Variants in ACAP1 observed in about 807,000 individuals in gnomAD.
ACAP1 encodes the protein ArfGAP with coiled-coil, ankyrin repeat and PH domains 1.
A neutral mutation model predicts 98.8 loss-of-function variants in ACAP1; 45 were observed. That is an observed-to-expected ratio of 0.46 (90% CI 0.36 to 0.58). The LOEUF (loss-of-function observed/expected upper bound fraction) is 0.58, where lower values mean the gene tolerates loss of function less well. Among genes scored for constraint, ACAP1 ranks in the 20% least tolerant of loss-of-function variants. ACAP1 has a pLI of 0.00. For synonymous variants in ACAP1, 362 were observed against 375.3 expected (o/e 0.96, Z 0.41); for missense variants, 735 against 971.4 (o/e 0.76, Z 3.24).
chr17:7,350,772 GGCTAATTTTTT>G lies in ACAP1; in HGVS notation c.2073-176_2073-166del. ...ACTACAGGCGTGCGCCACCACCCCC[GGCTAATTTTTT>G]GTATTTTTAGTAGAGACGGGGTTTC... On this transcript the variant is annotated intron_variant, in intron 20 of 21. Coordinates refer to ENST00000158762, the MANE Select transcript of ACAP1 (RefSeq NM_014716.4). This position sits in a 1 kb window ranked among gnomAD's most constrained non-coding sequence, Gnocchi z 4.6. 1.7e-6 allele frequency: 1 copy of G among 577,904 alleles called. No homozygotes were observed. The highest frequency in any genetic ancestry group is 3.2e-5 in the East Asian group (1 of 31,480). The allele number at this position is 577,904 out of a possible 1,614,324, so 35.8% of individuals were successfully genotyped here.
At chr17:7,345,985 A>G (rs1193999224) in intron 10 of ACAP1, 1 of 459,474 alleles carries the variant, frequency 2.2e-6, no homozygotes, top group Non-Finnish European at 4.0e-6. Context: ...TAGACATTTT[A>G]TTAGAAAAAG....
intron 2 of ACAP1, among the ~76,000 whole-genome samples, chr17:7,340,860 A>G (rs1156343192): frequency 6.6e-6 from 1 of 152,134 alleles, no homozygotes; most frequent in Non-Finnish European, 1.5e-5. Flanking sequence ...ATAGAAAAAT[A>G]AAAAGAGATG....
intron 18 of ACAP1, chr17:7,349,516 C>G (rs913123120): frequency 3.8e-6 from 1 of 263,130 alleles, no homozygotes; most frequent in African/African-American, 2.2e-5. Flanking sequence ...GCTGGGACTA[C>G]AGGCGCCAGC....
chr17:7,348,943 C>A (rs2073375309), intron 17 of ACAP1, 52 bp from the exon 18 acceptor site: 2 of 1,557,352 alleles, frequency 1.3e-6, no homozygotes. Flanking sequence ...TGAGGGTTTT[C>A]TTCCCAGACT....
In ACAP1 at chr17:7,350,054, G is replaced by T. The variant is rs2073387875; in HGVS notation, c.1961G>T (p.Gly654Val). ...CACGCAACCATTCTTGGCCACACGG[G>T]GTAGGGATGATGGCATGGGGAGGAA... Reference protein sequence around the residue: ...LHHATILGHTGLACLFLKRGA... With the variant: ...LHHATILGHTVLACLFLKRGA... Residue 654 changes from glycine to valine, a missense_variant and splice_region_variant, in exon 19 of 22, where the codon GGG (glycine) becomes GTG (valine). By Grantham distance (109) the Gly-to-Val change is moderately radical. This residue lies in a region of ACAP1 where 142 missense variants were observed against 224.1 expected (regional missense o/e 0.63). Coordinates refer to ENST00000158762, the MANE Select transcript of ACAP1 (RefSeq NM_014716.4). This position sits in a 1 kb window ranked among gnomAD's most constrained non-coding sequence, Gnocchi z 4.6. 6.2e-7 allele frequency: 1 copy of T among 1,613,552 alleles called. No individual in the cohort carries two copies. The highest frequency in any genetic ancestry group is 8.5e-7 in the Non-Finnish European group (1 of 1,179,512).
chr17:7,347,065 C>T lies in ACAP1; in HGVS notation c.1166C>T (p.Thr389Ile). The T allele has an allele frequency of 6.2e-7, 1 of 1,608,890 alleles. No individual in the cohort carries two copies. The highest frequency in any genetic ancestry group is 8.5e-7 in the Non-Finnish European group (1 of 1,176,900). The change falls in exon 14 of 22, where the codon ACC becomes ATC. Residue 389 changes from threonine (T) to isoleucine (I), a missense_variant. This residue lies in a region of ACAP1 where 430 missense variants were observed against 531.8 expected (regional missense o/e 0.81). Transcript: ENST00000158762. ...CACCTGGCCATAGGCTCTGCTGCCA[C>T]CCTGGGCTCTGGTGGAATGGCCAGG... Reference protein sequence around the residue: ...SGHLAIGSAATLGSGGMARGR... With the variant: ...SGHLAIGSAAILGSGGMARGR...
intron 5 of ACAP1, chr17:7,342,887 AAC>A: frequency 5.0e-6 from 1 of 200,870 alleles, no homozygotes; most frequent in Non-Finnish European, 1.0e-5. Context: ...CAGCCTGGGC[AAC>A]AGAGTGAGAC....
intron 10 of ACAP1, chr17:7,345,301 CTTTT>C (rs1036316005): frequency 6.6e-6 from 1 of 151,648 alleles, no homozygotes; most frequent in African/African-American, 2.4e-5. Flanking sequence ...CCAAGATACT[CTTTT>C]TTCTTTTTCT....
At chr17:7,348,046 A>G in intron 15 of ACAP1, 55 bp downstream of exon 15, 3 of 1,611,300 alleles carry the variant, frequency 1.9e-6, no homozygotes, top group African/African-American at 1.3e-5. Context: ...GGGCAAGGAC[A>G]TGGCGGTGCA....
rs1400455171 is a variant in ACAP1, at chr17:7,343,808, A to T, written c.574-53A>T. ...GAAGAGCCTGCTGCCAGCACAAGGG[A>T]ATGGGGAGAGGGGTTCTTCCTCAGC... On this transcript the variant is annotated intron_variant, in intron 7 of 21. Transcript: ENST00000158762. This position sits in a 1 kb window ranked among gnomAD's most constrained non-coding sequence, Gnocchi z 4.9. 12 of 1,612,798 alleles carry T rather than the reference A, an allele frequency of 7.4e-6. No homozygotes were observed. The highest frequency in any genetic ancestry group is 1.0e-5 in the Non-Finnish European group (12 of 1,179,514).
intron 1 of ACAP1, among the ~76,000 whole-genome samples, chr17:7,337,004 C>T (rs969835780): frequency 6.6e-6 from 1 of 152,032 alleles, no homozygotes; most frequent in Non-Finnish European, 1.5e-5. Context: ...TTCCCTCACC[C>T]CTAGAGCTGG....
rs539151581 is a variant in ACAP1, at chr17:7,344,740, C to T, written c.854+92C>T. 43 of 867,726 alleles carry T rather than the reference C, an allele frequency of 5.0e-5. No homozygotes were observed. Among genetic ancestry groups the T allele is most frequent in the South Asian group, 1.1e-4 (7 of 63,602 alleles). 53.8% of individuals were successfully genotyped at this position (867,726 alleles called of 1,614,324 possible). ...ACTAAGCACTGCAAGGAAAAACAGA[C>T]GAACCCCCCTGCCTCAGTAGAGTTT... is the stretch of plus-strand genomic sequence containing the variant. On this transcript the variant is annotated intron_variant, in intron 10 of 21. Coordinates refer to ENST00000158762, the MANE Select transcript of ACAP1 (RefSeq NM_014716.4). This position sits in a 1 kb window ranked among gnomAD's most constrained non-coding sequence, Gnocchi z 4.9.
In ACAP1 at chr17:7,349,997, A is replaced by G; in HGVS notation, c.1904A>G (p.Gln635Arg). The change falls in exon 19 of 22, where the codon CAA becomes CGA. Residue 635 changes from glutamine (Q) to arginine (R), a missense_variant. Transcript: ENST00000158762. ...FLLQNGANVNQADSAGRGPLH... is the reference protein window; with the variant it reads ...FLLQNGANVNRADSAGRGPLH... Reference sequence around the variant, plus strand: ...CTCCAGAACGGGGCGAACGTGAACCAAGCGGACAGTGCGGGCCGGGGCCCG... The same window carrying G: ...CTCCAGAACGGGGCGAACGTGAACCGAGCGGACAGTGCGGGCCGGGGCCCG... 1.2e-6 allele frequency: 2 copies of G among 1,613,570 alleles called. No homozygotes were observed. The highest frequency in any genetic ancestry group is 1.7e-6 in the Non-Finnish European group (2 of 1,179,552).
intron 10 of ACAP1, 129 bp from the exon 11 acceptor site, chr17:7,346,115 A>C: frequency 1.2e-6 from 1 of 827,732 alleles, no homozygotes; most frequent in Non-Finnish European, 2.1e-6. Flanking sequence ...CTTCTCTGGA[A>C]TGTCTCGTGG....
Position 7,348,301 on chromosome 17 carries a change from C to A in ACAP1, c.1509-5C>A. 1 of 1,590,390 alleles carries A rather than the reference C, an allele frequency of 6.3e-7. No individual in the cohort carries two copies. Among genetic ancestry groups the A allele is most frequent in the Non-Finnish European group, 8.6e-7 (1 of 1,166,842 alleles). On this transcript the variant is annotated splice_polypyrimidine_tract_variant and splice_region_variant and intron_variant, in intron 16 of 21. Transcript: ENST00000158762. ...GGAAGACTGCGTGCTTCTCCCCTCC[C>A]ACAGGCAGGAGAAGGAGGCCTGGAT...
At position 7,346,274 on chromosome 17, in the gene ACAP1, G is replaced by C. The variant is rs988640794; in HGVS notation, c.885G>C (p.Leu295=). ...RRWFTIQSNQ[L]VYQKKYKDPV... ...GGTTCACCATTCAGAGCAACCAACT[G>C]GTTTACCAGAAGAAGTACAAGGTGA... Residue 295 remains leucine (L), a synonymous_variant, in exon 11 of 22, where the codon CTG becomes CTC. Transcript: ENST00000158762. 19 of 1,614,174 alleles carry C rather than the reference G, an allele frequency of 1.2e-5. No individual in the cohort carries two copies. The highest frequency in any genetic ancestry group is 1.3e-5 in the Non-Finnish European group (15 of 1,180,024).
chr17:7,341,933 C>T lies in ACAP1; in HGVS notation c.112-15C>T, dbSNP rs142932803. 3.0e-4 allele frequency: 480 copies of T among 1,613,978 alleles called. 2 individuals carry two copies. In the African/African-American group the frequency reaches 5.5e-3, roughly 19 times the overall value. The stretch of plus-strand genomic sequence containing the variant: ...GATGATGGCACAGCTCCCTGTTACC[C>T]TCCTTCTTTCCCAGCTCCTGAAACT... On this transcript the variant is annotated splice_polypyrimidine_tract_variant and intron_variant, in intron 2 of 21. Transcript: ENST00000158762.
rs113321380 is a variant in ACAP1 at position 7,345,319 on chromosome 17, C to CT, written c.854+682dup. ...AGATACTCTTTTTTCTTTTTCTTTT[C>CT]TTTTTTTTTTTCTGTTTTTTTTGAG... is the stretch of plus-strand genomic sequence containing the variant. On this transcript the variant is annotated intron_variant, in intron 10 of 21. Transcript: ENST00000158762. 2.7e-3 allele frequency: 394 copies of CT among 147,156 alleles called. 3 individuals are homozygous for CT. Among genetic ancestry groups the CT allele is most frequent in the African/African-American group, 7.1e-3 (286 of 40,182 alleles). The allele number at this position is 147,156 out of a possible 1,614,324, so 9.1% of individuals were successfully genotyped here.
Position 7,347,248 on chromosome 17 carries a change from T to C in ACAP1, c.1343+6T>C, listed in dbSNP as rs757330427. ...CAGTGTTCCGGCATCCACAGGTTACTCCACAAGGCCCATGCGGGAGCCCCA... is the reference window on the plus strand; with the variant it reads ...CAGTGTTCCGGCATCCACAGGTTACCCCACAAGGCCCATGCGGGAGCCCCA... On this transcript the variant is annotated splice_donor_region_variant and intron_variant, in intron 14 of 21. Transcript: ENST00000158762. The C allele has an allele frequency of 1.2e-6, 2 of 1,608,546 alleles. No homozygotes were observed. Among genetic ancestry groups the C allele is most frequent in the Non-Finnish European group, 1.7e-6 (2 of 1,176,254 alleles).
Sources: gnomAD v4.1 joint callset for allele counts (sites outside exome capture counted in the v4.1 genomes callset) on GRCh38, gnomAD v4.1.1 for gene constraint, gnomAD v4.1.1 regional missense constraint, Gnocchi (gnomAD v3.1) non-coding constraint, MANE v1.5 for transcripts, NCBI Gene and HGNC (gene_info 2026-07-23, HGNC 2026-07-21) for gene names.